Variants in INSL6 observed in about 807,000 individuals in gnomAD.
INSL6 encodes insulin-like peptide INSL6.
Under a neutral mutation model 9.4 loss-of-function variants are expected in INSL6, and 16 were observed. The observed-to-expected ratio is 1.70, with a 90% CI of 1.15 to 2.59. INSL6 has a LOEUF of 2.59. Among genes scored for constraint, INSL6 ranks in the 30% most tolerant of loss-of-function variants. INSL6 has a pLI of 0.00. For synonymous variants in INSL6, 154 were observed against 96.9 expected (o/e 1.59, Z -3.46); for missense variants, 391 against 257.3 (o/e 1.52, Z -3.56).
chr9:5,164,079 C>A lies in INSL6; in HGVS notation c.476G>T (p.Ser159Ile). Residue 159 changes from serine to isoleucine, a missense_variant, in exon 2 of 2, where the codon AGC (serine) becomes ATC (isoleucine). Physicochemically the swap from Ser to Ile is moderately radical, Grantham distance 142. Coordinates refer to ENST00000381641, the MANE Select transcript of INSL6 (RefSeq NM_007179.3). The part of the protein sequence containing the change: ...KKRRNKIKTL[S>I]NLFWGHHPQR... ...GGGATGATGCCCCCAAAACAAATTG[C>A]TTAAGGTTTTAATTTTGTTTCTACG... 1.9e-6 allele frequency: 3 copies of A among 1,613,514 alleles called. No homozygotes were observed. The highest frequency in any genetic ancestry group is 2.5e-6 in the Non-Finnish European group (3 of 1,179,814).
At chr9:5,158,187 T>C (rs759436814) in intron 2 of INSL6, among the ~76,000 whole-genome samples, 3 of 152,100 alleles carry the variant, frequency 2.0e-5, no homozygotes, top group African/African-American at 4.8e-5. Context: ...AAATAAACCA[T>C]GCCTACGGCC....
At chr9:5,184,783 G>A (rs1012931371) in intron 1 of INSL6, among the ~76,000 whole-genome samples, 4 of 152,192 alleles carry the variant, frequency 2.6e-5, no homozygotes, top group African/African-American at 9.7e-5. Flanking sequence ...GTGACCAGGG[G>A]ATATGGACAA....
chr9:4,999,027 G>A, the INSL6 span, among the ~76,000 whole-genome samples: 4 of 151,522 alleles, frequency 2.6e-5, no homozygotes, highest in East Asian at 1.9e-4. Context: ...GGGTTTCACC[G>A]TGTTAGCCAG....
the INSL6 span, among the ~76,000 whole-genome samples, chr9:5,071,385 A>G: frequency 6.6e-6 from 1 of 152,224 alleles, no homozygotes; most frequent in Non-Finnish European, 1.5e-5. Flanking sequence ...ATTTTCAGAT[A>G]CAGACTATAA....
In INSL6 at chr9:5,131,349, G is replaced by C. The variant is rs983545685; in HGVS notation, c.*10+2076C>G. On this transcript the variant is annotated intron_variant, in intron 3 of 3. Coordinates refer to the INSL6 transcript ENST00000649639. ...TTTAAGACCCCTCAATTTTTTATTAGAGAAAAAAAGTTGTTTACAGAATCA... is the reference window on the plus strand; with the variant it reads ...TTTAAGACCCCTCAATTTTTTATTACAGAAAAAAAGTTGTTTACAGAATCA... Among the ~76,000 whole-genome samples the C allele has an allele frequency of 2.7e-5, 4 of 150,032 alleles. No individual in the cohort carries two copies. The South Asian group carries it at 8.4e-4, about 32-fold the overall frequency.
the INSL6 span, among the ~76,000 whole-genome samples, chr9:5,033,374 C>A: frequency 5.9e-5 from 9 of 152,252 alleles, no homozygotes; most frequent in East Asian, 1.2e-3. Context: ...CATTCAAATT[C>A]AGGAAATAGA....
chr9:5,160,157 CAA>C (rs1440296312), downstream of INSL6, among the ~76,000 whole-genome samples: 1 of 89,636 alleles, frequency 1.1e-5, no homozygotes, highest in African/African-American at 4.5e-5. Flanking sequence ...GCCTGGGCAA[CAA>C]GAGTAAAACT....
At chr9:5,116,830 A>G in the INSL6 span, among the ~76,000 whole-genome samples, 285 of 152,354 alleles carry the variant, frequency 1.9e-3, no homozygotes, top group Non-Finnish European at 3.3e-3. Context: ...CATAATTAGG[A>G]AAAGTCATAT....
the INSL6 span, chr9:5,041,721 C>G: frequency 2.0e-6 from 1 of 498,690 alleles, no homozygotes; most frequent in South Asian, 1.5e-5. Context: ...GTACGAGGGG[C>G]TCGGGAAGCC....
the INSL6 span, among the ~76,000 whole-genome samples, chr9:5,102,495 C>T: frequency 7.9e-5 from 12 of 152,110 alleles, no homozygotes; most frequent in East Asian, 7.7e-4. Context: ...AGAACTTCCC[C>T]GACCTACCAA....
the INSL6 span, among the ~76,000 whole-genome samples, chr9:5,107,250 C>T: frequency 6.6e-6 from 1 of 151,986 alleles, no homozygotes; most frequent in Non-Finnish European, 1.5e-5. Context: ...CCTTAGTAAC[C>T]GACACCTTAC....
In INSL6 at chr9:5,146,117, GTTTT is replaced by G. The variant is rs375560349; in HGVS notation, c.377-12529_377-12526del. 3.3e-5 allele frequency among the ~76,000 whole-genome samples: 5 copies of G among 149,544 alleles called. No homozygotes were observed. The Admixed American group carries it at 3.3e-4, about 10-fold the overall frequency. The stretch of plus-strand genomic sequence containing the variant: ...AATCTTTGAGGTTGTTAACCTTTGG[GTTTT>G]TTTTTTCTTTTATCCTTTTTGATGA... On this transcript the variant is annotated intron_variant, in intron 2 of 3. Transcript: ENST00000649639.
the INSL6 span, among the ~76,000 whole-genome samples, chr9:5,031,072 T>C: frequency 6.6e-6 from 1 of 152,108 alleles, no homozygotes; most frequent in Non-Finnish European, 1.5e-5. Flanking sequence ...TAGAAAGTTA[T>C]TTGAAGAATA....
chr9:5,108,589 C>T, the INSL6 span: 23 of 151,960 alleles, frequency 1.5e-4, no homozygotes, highest in African/African-American at 5.3e-4. Context: ...CATGTAGAAG[C>T]CCCTATTGCC....
the INSL6 span, among the ~76,000 whole-genome samples, chr9:5,042,237 C>A: frequency 0.36 from 53,596 of 150,644 alleles, 10,504 homozygotes; most frequent in African/African-American, 0.54. Context: ...TCCCGGGTTC[C>A]CGCCATTCTC....
chr9:5,099,138 A>T, the INSL6 span: 1 of 152,208 alleles, frequency 6.6e-6, no homozygotes, highest in Admixed American at 6.5e-5. Context: ...TGCACTCATG[A>T]ACTATCCCCT....
intron 1 of INSL6, among the ~76,000 whole-genome samples, chr9:5,180,800 C>G (rs1586881396): frequency 6.6e-6 from 1 of 152,142 alleles, no homozygotes; most frequent in Non-Finnish European, 1.5e-5. Context: ...TTATTGGACC[C>G]TTATCAGTAG....
chr9:5,094,824 C>T, the INSL6 span: 1 of 152,084 alleles, frequency 6.6e-6, no homozygotes, highest in African/African-American at 2.4e-5. Flanking sequence ...ATGTATTCAC[C>T]AGAACTCTGT....
intron 2 of INSL6, among the ~76,000 whole-genome samples, chr9:5,143,911 C>T (rs1468004683): frequency 6.6e-6 from 1 of 152,118 alleles, no homozygotes; most frequent in Non-Finnish European, 1.5e-5. Flanking sequence ...ACACCCGCCT[C>T]AGCCTCCCAA....
Sources: allele counts gnomAD v4.1 joint callset (sites outside exome capture counted in the v4.1 genomes callset), GRCh38; gene constraint gnomAD v4.1.1; transcripts MANE v1.5; gene names NCBI Gene and HGNC (gene_info 2026-07-23, HGNC 2026-07-21).